ARHGAP25: variants seen among roughly 807,000 people sequenced by gnomAD.
ARHGAP25 encodes the protein rho GTPase-activating protein 25.
A neutral mutation model predicts 71.0 loss-of-function variants in ARHGAP25; 34 were observed. That is an observed-to-expected ratio of 0.48 (90% CI 0.36 to 0.64). The LOEUF (loss-of-function observed/expected upper bound fraction) is 0.64. Ranked by LOEUF, ARHGAP25 falls within the 30% of genes least tolerant of loss-of-function variation. The pLI, the probability that ARHGAP25 is intolerant of heterozygous loss-of-function variation, is 0.00. For missense variants in ARHGAP25, 706 were observed against 805.1 expected (o/e 0.88, Z 1.49); for synonymous variants, 282 against 296.5 (o/e 0.95, Z 0.50).
chr2:68,758,660 T>C (rs1391961229), intron 1 of ARHGAP25, among the ~76,000 whole-genome samples: 3 of 151,902 alleles, frequency 2.0e-5, no homozygotes, highest in African/African-American at 4.8e-5. Flanking sequence ...TATAATAATG[T>C]TGGAGACTTC....
intron 1 of ARHGAP25, among the ~76,000 whole-genome samples, chr2:68,744,416 T>A (rs925459512): frequency 2.2e-4 from 34 of 152,186 alleles, no homozygotes; most frequent in African/African-American, 8.0e-4. Flanking sequence ...TTGACACATA[T>A]TTATTGGACA....
upstream of ARHGAP25, among the ~76,000 whole-genome samples, chr2:68,732,502 G>T (rs1357538986): frequency 6.6e-6 from 1 of 152,254 alleles, no homozygotes; most frequent in Admixed American, 6.5e-5. Flanking sequence ...GAGCAGTGGT[G>T]TTTGGGTCAG....
At chr2:68,741,815 C>T (rs928810420) in intron 1 of ARHGAP25, among the ~76,000 whole-genome samples, 37 of 152,344 alleles carry the variant, frequency 2.4e-4, no homozygotes, top group African/African-American at 8.7e-4. Context: ...AAGTAAAACG[C>T]AATTCCATGA....
intron 1 of ARHGAP25, among the ~76,000 whole-genome samples, chr2:68,747,830 CT>C (rs1222632568): frequency 2.0e-5 from 3 of 152,200 alleles, no homozygotes; most frequent in African/African-American, 7.2e-5. Context: ...CCAGAAAAGA[CT>C]TTTGGATTCA....
At chr2:68,744,147 A>G (rs1277726767) in intron 1 of ARHGAP25, among the ~76,000 whole-genome samples, 2 of 151,822 alleles carry the variant, frequency 1.3e-5, no homozygotes, top group Non-Finnish European at 1.5e-5. Context: ...CGGGAGCCAC[A>G]TCTGTCAGTG....
At chr2:68,810,168 A>G (rs886095961) in intron 5 of ARHGAP25, among the ~76,000 whole-genome samples, 4 of 151,426 alleles carry the variant, frequency 2.6e-5, no homozygotes, top group African/African-American at 7.3e-5. Flanking sequence ...AGGGTGCTCT[A>G]TTGGGTTAGA....
chr2:68,797,136 G>C (rs925337342), intron 4 of ARHGAP25, among the ~76,000 whole-genome samples: 7 of 152,190 alleles, frequency 4.6e-5, no homozygotes, highest in Non-Finnish European at 1.5e-5. Context: ...TCTTGGAGTA[G>C]GGGGCAAAGT....
intron 1 of ARHGAP25, among the ~76,000 whole-genome samples, chr2:68,759,826 G>C (rs1676693328): frequency 6.6e-6 from 1 of 151,596 alleles, no homozygotes. Flanking sequence ...AATTGAAAAA[G>C]AAGGGAAACT....
At chr2:68,754,092 A>G (rs1033056249) in intron 1 of ARHGAP25, among the ~76,000 whole-genome samples, 1 of 151,898 alleles carries the variant, frequency 6.6e-6, no homozygotes, top group Non-Finnish European at 1.5e-5. Flanking sequence ...TTTAGTAGAG[A>G]CGGGGTTTCA....
intron 3 of ARHGAP25, among the ~76,000 whole-genome samples, chr2:68,783,451 T>C (rs550447181): frequency 2.2e-4 from 34 of 152,016 alleles, no homozygotes; most frequent in Non-Finnish European, 3.8e-4. Context: ...TTTGTTTTTT[T>C]TGTTTTTTGT....
intron 3 of ARHGAP25, among the ~76,000 whole-genome samples, chr2:68,785,172 G>T (rs1329983178): frequency 6.6e-6 from 1 of 152,194 alleles, no homozygotes; most frequent in Non-Finnish European, 1.5e-5. Flanking sequence ...GCACTTGCAG[G>T]CAATGTGAGA....
intron 1 of ARHGAP25, among the ~76,000 whole-genome samples, chr2:68,740,814 A>C (rs1675482077): frequency 6.6e-6 from 1 of 152,136 alleles, no homozygotes; most frequent in Non-Finnish European, 1.5e-5. Context: ...TAACACCAGC[A>C]CTCTAGGCCC....
intron 1 of ARHGAP25, among the ~76,000 whole-genome samples, chr2:68,747,692 C>T (rs1279528654): frequency 6.6e-6 from 1 of 152,168 alleles, no homozygotes; most frequent in African/African-American, 2.4e-5. Flanking sequence ...AATCATCCCT[C>T]TTCCCACCCC....
At chr2:68,744,159 A>G (rs2104297947) in intron 1 of ARHGAP25, among the ~76,000 whole-genome samples, 1 of 151,908 alleles carries the variant, frequency 6.6e-6, no homozygotes, top group Non-Finnish European at 1.5e-5. Context: ...CTGTCAGTGT[A>G]TTGCAAGGTA....
At chr2:68,801,982 A>G (rs900486056) in intron 4 of ARHGAP25, among the ~76,000 whole-genome samples, 1 of 152,228 alleles carries the variant, frequency 6.6e-6, no homozygotes, top group Non-Finnish European at 1.5e-5. Context: ...GCAAATGCTC[A>G]GCCTACATTT....
At chr2:68,783,147 C>T (rs928428358) in intron 3 of ARHGAP25, among the ~76,000 whole-genome samples, 6 of 152,210 alleles carry the variant, frequency 3.9e-5, no homozygotes, top group African/African-American at 1.4e-4. Flanking sequence ...TAGAAGTGTC[C>T]AGTCTGGAGC....
At chr2:68,752,870 C>T (rs1287844952) in intron 1 of ARHGAP25, among the ~76,000 whole-genome samples, 2 of 151,452 alleles carry the variant, frequency 1.3e-5, no homozygotes, top group East Asian at 3.9e-4. Flanking sequence ...AGTATATATA[C>T]AAAGAGAGAG....
Position 68,821,160 on chromosome 2 carries a change from G to A in ARHGAP25, c.1201-1180G>A, listed in dbSNP as rs147655636. ...TGCTTAAGCTGGAGTGCGGTGGTGC[G>A]ATCACAGCTTACTGCAGCCTTGACC... On this transcript the variant is annotated intron_variant, in intron 9 of 10. Coordinates refer to ENST00000409202, the MANE Select transcript of ARHGAP25 (RefSeq NM_001007231.3). Among the ~76,000 whole-genome samples, 72 of 143,454 alleles carry A rather than the reference G, an allele frequency of 5.0e-4. No individual in the cohort carries two copies. In the East Asian group the frequency reaches 0.013, roughly 26 times the overall value. The allele number at this position is 143,454 out of a possible 152,430, so 94.1% of individuals were successfully genotyped here.
At position 68,826,075 on chromosome 2, in the gene ARHGAP25, G is replaced by C. The variant is rs1374570005; in HGVS notation, c.1822G>C (p.Glu608Gln). 1 of 1,614,126 alleles carries C rather than the reference G, an allele frequency of 6.2e-7. No homozygotes were observed. The highest frequency in any genetic ancestry group is 1.1e-5 in the South Asian group (1 of 91,088). ...EKEKKKSAALEISLRNMERSR... is the reference protein window; with the variant it reads ...EKEKKKSAALQISLRNMERSR... ...GGAAAAGAAGAAGTCTGCAGCCCTA[G>C]AGATCAGCCTCCGCAACATGGAGCG... The change falls in exon 11 of 11, where the codon GAG becomes CAG. Residue 608 changes from glutamate to glutamine, a missense_variant. Physicochemically the swap from Glu to Gln is conservative, Grantham distance 29. Transcript: ENST00000409202.
Sources: allele counts gnomAD v4.1 joint callset (sites outside exome capture counted in the v4.1 genomes callset), GRCh38; gene constraint gnomAD v4.1.1; transcripts MANE v1.5; gene names NCBI Gene and HGNC (gene_info 2026-07-23, HGNC 2026-07-21).